The following KIF24 variants were observed in gnomAD, a reference collection of about 807,000 sequenced individuals.
KIF24 encodes the protein kinesin family member 24.
In KIF24, 81 loss-of-function variants were observed where a neutral mutation model predicts 118.9. That is an observed-to-expected ratio of 0.68 (90% CI 0.57 to 0.82). KIF24 has a LOEUF of 0.82. KIF24 is among the 40% of genes least tolerant of loss of function. The pLI, the probability that KIF24 is intolerant of heterozygous loss-of-function variation, is 0.00. For synonymous variants in KIF24, 599 were observed against 610.0 expected, an observed-to-expected ratio of 0.98 and a Z score of 0.27; for missense variants, 1,560 against 1,661.6, an observed-to-expected ratio of 0.94 and a Z score of 1.06.
chr9:34,311,787 TACAC>T (rs763494172), intron 1 of KIF24, among the ~76,000 whole-genome samples: 3 of 145,384 alleles, frequency 2.1e-5, no homozygotes, highest in South Asian at 4.4e-4. Context: ...CACATATATA[TACAC>T]ACACATATAT....
upstream of KIF24, among the ~76,000 whole-genome samples, chr9:34,330,287 C>T (rs1040452112): frequency 6.6e-6 from 1 of 152,160 alleles, no homozygotes; most frequent in Non-Finnish European, 1.5e-5. Flanking sequence ...CACGTATAGT[C>T]CCTGCTACTC....
chr9:34,302,998 T>A (rs1836782126), intron 3 of KIF24, among the ~76,000 whole-genome samples: 2 of 151,742 alleles, frequency 1.3e-5, no homozygotes, highest in South Asian at 4.2e-4. Context: ...ATGGTCTCGA[T>A]CTCCTGACTT....
At chr9:34,319,577 G>C in intron 1 of KIF24, 1 of 1,052,912 alleles carries the variant, frequency 9.5e-7, no homozygotes, top group Non-Finnish European at 1.5e-6. Flanking sequence ...TCCTGGTGTG[G>C]GACACCCAGA....
At position 34,257,649 on chromosome 9, in the gene KIF24, C is replaced by A; in HGVS notation, c.1958G>T (p.Arg653Leu). Residue 653 changes from arginine to leucine, a missense_variant, in exon 11 of 13, where the codon CGC (arginine) becomes CTC (leucine). Around this residue, in one of 3 missense-constraint regions of KIF24, gnomAD observed 964 missense variants for 988.0 expected, o/e 0.98. Coordinates refer to ENST00000402558, the MANE Select transcript of KIF24 (RefSeq NM_194313.4). ...IHASPVKGTV[R>L]SGHVAKKKPE... Reference sequence around the variant, plus strand: ...CTTTTTTTTGGCCACATGTCCAGAGCGCACAGTTCCTTTCACAGGGCTAGC... The same window carrying A: ...CTTTTTTTTGGCCACATGTCCAGAGAGCACAGTTCCTTTCACAGGGCTAGC... 6.2e-7 allele frequency: 1 copy of A among 1,614,048 alleles called. No individual in the cohort carries two copies. Among genetic ancestry groups the A allele is most frequent in the Non-Finnish European group, 8.5e-7 (1 of 1,179,888 alleles).
At chr9:34,272,202 C>G (rs1002526543) in intron 6 of KIF24, among the ~76,000 whole-genome samples, 1 of 152,140 alleles carries the variant, frequency 6.6e-6, no homozygotes, top group Non-Finnish European at 1.5e-5. Context: ...TTTTTAGTAT[C>G]TTTGATGGAT....
chr9:34,269,752 T>G (rs1305909318), intron 7 of KIF24, among the ~76,000 whole-genome samples: 1 of 152,092 alleles, frequency 6.6e-6, no homozygotes, highest in African/African-American at 2.4e-5. Context: ...CAGCATTCTG[T>G]GACCACTGGA....
At chr9:34,296,908 T>C in intron 4 of KIF24, 109 bp downstream of exon 4, 1 of 558,702 alleles carries the variant, frequency 1.8e-6, no homozygotes, top group Non-Finnish European at 3.2e-6. Context: ...AAAACACAAA[T>C]TCATGTTTAA....
Position 34,254,375 on chromosome 9 carries a change from T to A in KIF24, c.*5A>T. On this transcript the variant is annotated 3_prime_UTR_variant, in exon 13 of 13. Transcript: ENST00000402558. ...GCCCCCACCATCTCGGCACAGGGTCTGGCTCTAAGACGGCACTGTTCCCTC... is the reference window on the plus strand; with the variant it reads ...GCCCCCACCATCTCGGCACAGGGTCAGGCTCTAAGACGGCACTGTTCCCTC... 6.2e-7 allele frequency: 1 copy of A among 1,611,136 alleles called. No homozygotes were observed. Among genetic ancestry groups the A allele is most frequent in the Non-Finnish European group, 8.5e-7 (1 of 1,179,232 alleles).
chr9:34,330,420 C>A (rs544598101), upstream of KIF24, among the ~76,000 whole-genome samples: 35 of 150,820 alleles, frequency 2.3e-4, no homozygotes, highest in South Asian at 8.3e-4. Context: ...CAAAACAAAA[C>A]AAAAAAAAAC....
At chr9:34,263,024 G>C (rs1458761724) in intron 9 of KIF24, 77 bp downstream of exon 9, 1 of 1,114,624 alleles carries the variant, frequency 9.0e-7, no homozygotes, top group African/African-American at 1.5e-5. Flanking sequence ...GTGGATGCTC[G>C]ACTGAATGAA....
rs368107597 is a variant in KIF24 at position 34,256,353 on chromosome 9, G to A, written c.3254C>T (p.Thr1085Ile). ...TGTGTGGCTCACAACTGGGCCCCCT[G>A]TGCTCTCTGCCACTAGACTGTGCGT... The part of the protein sequence containing the change: ...GATHSLVAES[T>I]GGPVVSHTVP... Residue 1085 changes from threonine (T) to isoleucine (I), a missense_variant, in exon 11 of 13, where the codon ACA (threonine) becomes ATA (isoleucine). Around this residue, in one of 3 missense-constraint regions of KIF24, gnomAD observed 591 missense variants for 655.6 expected, o/e 0.90. Coordinates refer to ENST00000402558, the MANE Select transcript of KIF24 (RefSeq NM_194313.4). The A allele has an allele frequency of 2.5e-5, 40 of 1,613,654 alleles. No individual in the cohort carries two copies. Among genetic ancestry groups the A allele is most frequent in the Non-Finnish European group, 3.4e-5 (40 of 1,179,880 alleles).
At chr9:34,331,582 A>G (rs1587986749), upstream of KIF24, among the ~76,000 whole-genome samples, 1 of 152,240 alleles carries the variant, frequency 6.6e-6, no homozygotes, top group East Asian at 1.9e-4. Flanking sequence ...ATTGGAGGGA[A>G]TGTGAGCTGC....
At chr9:34,270,900 G>A (rs373082065) in intron 7 of KIF24, among the ~76,000 whole-genome samples, 41 of 148,180 alleles carry the variant, frequency 2.8e-4, no homozygotes, top group Non-Finnish European at 2.2e-4. Context: ...GACAGATGTC[G>A]CAGCCAGATC....
At position 34,318,942 on chromosome 9, in the gene KIF24, C is replaced by A; in HGVS notation, c.-25-7571G>T. 1.3e-6 allele frequency: 2 copies of A among 1,525,702 alleles called. No homozygotes were observed. Among genetic ancestry groups the A allele is most frequent in the Admixed American group, 1.7e-5 (1 of 59,442 alleles). 94.5% of individuals were successfully genotyped at this position (1,525,702 alleles called of 1,614,324 possible). On this transcript the variant is annotated intron_variant, in intron 1 of 12. Transcript: ENST00000402558. This position sits in a 1 kb window ranked among gnomAD's most constrained non-coding sequence, Gnocchi z 4.9. ...TCCATCCACGAGTGGGCCGTGCAGACCACCGACGGCAAGCTGCCCAAGGTC... is the reference window on the plus strand; with the variant it reads ...TCCATCCACGAGTGGGCCGTGCAGAACACCGACGGCAAGCTGCCCAAGGTC...
chr9:34,324,384 G>A (rs1837612096), intron 1 of KIF24, among the ~76,000 whole-genome samples: 1 of 152,096 alleles, frequency 6.6e-6, no homozygotes, highest in Non-Finnish European at 1.5e-5. Context: ...GCATCCTAGA[G>A]GCCTTCTTCT....
chr9:34,304,852 T>C (rs1036229082), intron 3 of KIF24, among the ~76,000 whole-genome samples: 2 of 152,198 alleles, frequency 1.3e-5, no homozygotes, highest in African/African-American at 4.8e-5. Flanking sequence ...ATTCCACTAA[T>C]GTAAGATCTC....
intron 5 of KIF24, among the ~76,000 whole-genome samples, chr9:34,287,969 A>G (rs1187668099): frequency 6.6e-6 from 1 of 151,936 alleles, no homozygotes; most frequent in Non-Finnish European, 1.5e-5. Flanking sequence ...ATTCCTGAAC[A>G]TATTTCCCAG....
intron 8 of KIF24, among the ~76,000 whole-genome samples, chr9:34,263,908 G>A (rs982086312): frequency 1.3e-5 from 2 of 151,682 alleles, no homozygotes; most frequent in South Asian, 2.1e-4. Context: ...AAAACAGCAG[G>A]GTCTGTGGCC....
chr9:34,256,680 T>C lies in KIF24; in HGVS notation c.2927A>G (p.Asn976Ser). Residue 976 changes from asparagine (N) to serine (S), a missense_variant, in exon 11 of 13, where the codon AAC becomes AGC. By Grantham distance (46) the Asn-to-Ser change is conservative. This residue lies in a region of KIF24 where 591 missense variants were observed against 655.6 expected (regional missense o/e 0.90). Transcript: ENST00000402558. Reference sequence around the variant, plus strand: ...ACCATCTTCCTCTGGGGATGGCAAGTTGCCCTCATTCTCCCCAGAAACCTC... The same window carrying C: ...ACCATCTTCCTCTGGGGATGGCAAGCTGCCCTCATTCTCCCCAGAAACCTC... The part of the protein sequence containing the change: ...QSEVSGENEG[N>S]LPSPEEDGFT... 6.2e-7 allele frequency: 1 copy of C among 1,613,980 alleles called. No homozygotes were observed. Among genetic ancestry groups the C allele is most frequent in the Non-Finnish European group, 8.5e-7 (1 of 1,179,874 alleles).
Sources: gnomAD v4.1 joint callset for allele counts (sites outside exome capture counted in the v4.1 genomes callset) on GRCh38, gnomAD v4.1.1 for gene constraint, gnomAD v4.1.1 regional missense constraint, Gnocchi (gnomAD v3.1) non-coding constraint, MANE v1.5 for transcripts, NCBI Gene and HGNC (gene_info 2026-07-23, HGNC 2026-07-21) for gene names.